The following PCCA variants were observed in gnomAD, a reference collection of about 807,000 sequenced individuals.
PCCA encodes propionyl-CoA carboxylase alpha chain, mitochondrial.
In PCCA, 74 loss-of-function variants were observed where a neutral mutation model predicts 101.3. The observed-to-expected ratio is 0.73, with a 90% CI of 0.61 to 0.89. The LOEUF (loss-of-function observed/expected upper bound fraction) is 0.89, where lower values mean the gene tolerates loss of function less well. Ranked by LOEUF, PCCA falls within the 40% of genes least tolerant of loss-of-function variation. The pLI, the probability that PCCA is intolerant of heterozygous loss-of-function variation, is 0.00. For synonymous variants in PCCA, 294 were observed against 313.6 expected, an observed-to-expected ratio of 0.94 and a Z score of 0.66; for missense variants, 891 against 907.0, an observed-to-expected ratio of 0.98 and a Z score of 0.23.
At chr13:100,194,119 A>G (rs2057937210) in intron 6 of PCCA, among the ~76,000 whole-genome samples, 1 of 152,212 alleles carries the variant, frequency 6.6e-6, no homozygotes, top group African/African-American at 2.4e-5. Context: ...TATTTTGCTC[A>G]GTATTTGAAA....
intron 19 of PCCA, among the ~76,000 whole-genome samples, chr13:100,388,031 G>T (rs1384044610): frequency 6.6e-6 from 1 of 152,158 alleles, no homozygotes; most frequent in East Asian, 1.9e-4. Flanking sequence ...ACTTTCTGAA[G>T]AATTTTATTT....
intron 6 of PCCA, among the ~76,000 whole-genome samples, chr13:100,199,746 A>G (rs2058357004): frequency 6.6e-6 from 1 of 152,202 alleles, no homozygotes. Context: ...GTTAATTGGA[A>G]TATATTTAGA....
chr13:100,155,927 T>A (rs547605865), intron 5 of PCCA, among the ~76,000 whole-genome samples: 94 of 152,380 alleles, frequency 6.2e-4, no homozygotes, highest in African/African-American at 2.2e-3. Flanking sequence ...TAAAACACTT[T>A]AACCTTTTAA....
chr13:100,191,881 C>T (rs1433398617), intron 6 of PCCA, among the ~76,000 whole-genome samples: 1 of 152,124 alleles, frequency 6.6e-6, no homozygotes, highest in Admixed American at 6.6e-5. Context: ...CCAGCTTTTT[C>T]CTTCATCAGT....
At chr13:100,126,626 T>C (rs1413567371) in intron 4 of PCCA, among the ~76,000 whole-genome samples, 1 of 152,186 alleles carries the variant, frequency 6.6e-6, no homozygotes, top group Non-Finnish European at 1.5e-5. Context: ...TGGGGTTATC[T>C]GTCAGGAAAC....
At chr13:100,144,022 C>T (rs112592339) in intron 4 of PCCA, among the ~76,000 whole-genome samples, 8 of 152,018 alleles carry the variant, frequency 5.3e-5, no homozygotes, top group African/African-American at 1.7e-4. Context: ...TCTTGGCCTC[C>T]GAAAGTGTTG....
At chr13:100,265,429 A>ATAAAATAAAATCAGGTTTCTAGATTTATT (rs2062860533) in intron 10 of PCCA, among the ~76,000 whole-genome samples, 9 of 152,174 alleles carry the variant, frequency 5.9e-5, no homozygotes, top group Admixed American at 2.0e-4. Context: ...TTGCTTTTAT[A>ATAAAATAAAATCAGGTTTCTAGATTTATT]ATAAATCTAG....
intron 17 of PCCA, among the ~76,000 whole-genome samples, chr13:100,335,602 CTCTT>C (rs1566952912): frequency 6.6e-6 from 1 of 152,222 alleles, no homozygotes; most frequent in Non-Finnish European, 1.5e-5. Flanking sequence ...TAAGGCGACT[CTCTT>C]TCCCTCATCC....
chr13:100,418,727 G>A (rs1018421448), intron 19 of PCCA, among the ~76,000 whole-genome samples: 5 of 151,866 alleles, frequency 3.3e-5, no homozygotes, highest in African/African-American at 1.2e-4. Context: ...CCAACTACTC[G>A]GGAGGCTGAG....
intron 7 of PCCA, among the ~76,000 whole-genome samples, chr13:100,228,241 C>T (rs1273405084): frequency 6.6e-6 from 1 of 152,144 alleles, no homozygotes; most frequent in East Asian, 1.9e-4. Flanking sequence ...GTCTCGAACT[C>T]CTGACCTCAG....
At chr13:100,165,797 C>T (rs9585368) in intron 6 of PCCA, among the ~76,000 whole-genome samples, 5,065 of 151,892 alleles carry the variant, frequency 0.033, 274 homozygotes, top group African/African-American at 0.12. Context: ...TTTGGGAGGC[C>T]GAGATAGGAG....
intron 18 of PCCA, among the ~76,000 whole-genome samples, chr13:100,354,677 T>G (rs2073774247): frequency 6.6e-6 from 1 of 152,114 alleles, no homozygotes; most frequent in Admixed American, 6.6e-5. Context: ...CTACTGACCT[T>G]ACAGAAATTA....
intron 4 of PCCA, among the ~76,000 whole-genome samples, chr13:100,139,881 T>G (rs1264409409): frequency 3.3e-5 from 5 of 152,158 alleles, no homozygotes; most frequent in African/African-American, 1.2e-4. Flanking sequence ...TTAACTTGGT[T>G]GGCTTCAGAG....
intron 1 of PCCA, among the ~76,000 whole-genome samples, chr13:100,094,097 G>A (rs146749843): frequency 7.3e-5 from 11 of 151,346 alleles, no homozygotes; most frequent in Non-Finnish European, 1.0e-4. Context: ...GCATGGTGGC[G>A]CATGCCTGTA....
intron 2 of PCCA, among the ~76,000 whole-genome samples, chr13:100,107,130 G>A (rs77457835): frequency 0.086 from 13,115 of 152,194 alleles, 619 homozygotes; most frequent in Middle Eastern, 0.17. Context: ...ATTGATTCTC[G>A]TTTGAATCTG....
chr13:100,315,275 AT>A (rs1472155903), intron 16 of PCCA, among the ~76,000 whole-genome samples: 27 of 152,130 alleles, frequency 1.8e-4, no homozygotes, highest in African/African-American at 5.3e-4. Flanking sequence ...TAATTTCAAA[AT>A]TTAAAAAATT....
chr13:100,166,676 C>T (rs2055070087), intron 6 of PCCA, among the ~76,000 whole-genome samples: 1 of 152,108 alleles, frequency 6.6e-6, no homozygotes, highest in Non-Finnish European at 1.5e-5. Context: ...AGTAGCCATT[C>T]ATCTGTTGGT....
intron 18 of PCCA, among the ~76,000 whole-genome samples, chr13:100,343,707 C>T (rs75582216): frequency 6.6e-6 from 1 of 152,186 alleles, no homozygotes; most frequent in Non-Finnish European, 1.5e-5. Context: ...ATTACAATCT[C>T]ACTTGATCTT....
chr13:100,199,286 A>AT (rs1045008527), intron 6 of PCCA, among the ~76,000 whole-genome samples: 34 of 150,396 alleles, frequency 2.3e-4, no homozygotes, highest in Middle Eastern at 6.9e-3. Flanking sequence ...TATAGTAATC[A>AT]TTTTTTTTTG....
Sources: gnomAD v4.1 joint callset for allele counts (sites outside exome capture counted in the v4.1 genomes callset) on GRCh38, gnomAD v4.1.1 for gene constraint, MANE v1.5 for transcripts, NCBI Gene and HGNC (gene_info 2026-07-23, HGNC 2026-07-21) for gene names.